USP39: variants seen among roughly 807,000 people sequenced by gnomAD.
USP39 encodes ubiquitin specific peptidase 39.
USP39 carries 38 observed loss-of-function variants against 66.4 expected under a neutral mutation model. The observed-to-expected ratio is 0.57, with a 90% CI of 0.44 to 0.75. The LOEUF (loss-of-function observed/expected upper bound fraction) is 0.75, where lower values mean the gene tolerates loss of function less well. Ranked by LOEUF, USP39 falls within the 30% of genes least tolerant of loss-of-function variation. USP39 has a pLI of 0.00. For missense variants in USP39, 608 were observed against 714.4 expected (o/e 0.85, Z 1.70); for synonymous variants, 303 against 274.6 (o/e 1.10, Z -1.02).
Position 85,603,742 on chromosome 2 carries a change from G to A in USP39, n.226+661G>A, listed in dbSNP as rs548927236. ...GAGTAGCTGGGAACTACAGGCGCCC[G>A]CCACCTCACCCGGCTAATTTTTTTG... On this transcript the variant is annotated intron_variant and non_coding_transcript_variant, in intron 1 of 12. Transcript: ENST00000459775. Among the ~76,000 whole-genome samples the A allele has an allele frequency of 4.6e-5, 7 of 151,906 alleles. No homozygotes were observed. The South Asian group carries it at 1.5e-3, about 32-fold the overall frequency.
chr2:85,645,289 T>G (rs1676556088), intron 11 of USP39: 2 of 582,210 alleles, frequency 3.4e-6, no homozygotes, highest in South Asian at 2.3e-5. Flanking sequence ...TTTTTTTTTT[T>G]TTTTTGAGAC....
At chr2:85,644,011 G>T (rs1018714187) in intron 10 of USP39, among the ~76,000 whole-genome samples, 2 of 152,220 alleles carry the variant, frequency 1.3e-5, no homozygotes, top group Admixed American at 1.3e-4. Flanking sequence ...ATGGGACACT[G>T]TCAGTCTGTA....
chr2:85,636,035 CCCTT>C lies in USP39; in HGVS notation c.950-13_950-10del, dbSNP rs566008321. The C allele has an allele frequency of 8.9e-3, 14,288 of 1,613,694 alleles. 92 individuals carry two copies. The highest frequency in any genetic ancestry group is 0.011 in the Non-Finnish European group (13,404 of 1,179,622). ...TGCCACTTAGCTTCAACGTTTTCCA[CCCTT>C]CCTTTTTTTCCAGGAGATGGCGTTG... On this transcript the variant is annotated splice_polypyrimidine_tract_variant and intron_variant, in intron 6 of 12. Coordinates refer to ENST00000323701, the MANE Select transcript of USP39 (RefSeq NM_006590.4).
upstream of USP39, chr2:85,609,503 C>T (rs1412375891): frequency 2.5e-6 from 4 of 1,614,098 alleles, no homozygotes; most frequent in Non-Finnish European, 3.4e-6. Flanking sequence ...AGCTGATGGC[C>T]AGAAGGCTCC....
At chr2:85,629,183 C>A (rs1367313732) in intron 5 of USP39, among the ~76,000 whole-genome samples, 1 of 151,874 alleles carries the variant, frequency 6.6e-6, no homozygotes, top group East Asian at 1.9e-4. Flanking sequence ...CCTGCCTCAG[C>A]CTCCCGAGAA....
intron 6 of USP39, among the ~76,000 whole-genome samples, chr2:85,632,324 G>A (rs1010743209): frequency 6.6e-6 from 1 of 152,164 alleles, no homozygotes; most frequent in Non-Finnish European, 1.5e-5. Context: ...GGGAGGCTGA[G>A]GCAGGAGTAT....
chr2:85,632,142 G>A (rs947703423), intron 6 of USP39, among the ~76,000 whole-genome samples: 4 of 152,134 alleles, frequency 2.6e-5, no homozygotes, highest in African/African-American at 9.7e-5. Context: ...ATCTCATATG[G>A]TATCCTCTAG....
chr2:85,631,962 G>GATCTCA (rs869209603), intron 6 of USP39, among the ~76,000 whole-genome samples: 1 of 151,740 alleles, frequency 6.6e-6, no homozygotes, highest in African/African-American at 2.4e-5. Flanking sequence ...TTGGCCAGGT[G>GATCTCA]AACTCCTGAC....
intron 1 of USP39, among the ~76,000 whole-genome samples, chr2:85,606,198 T>G (rs973809763): frequency 7.9e-5 from 12 of 152,230 alleles, no homozygotes; most frequent in African/African-American, 2.9e-4. Flanking sequence ...GACAGCCAAT[T>G]ACATCGTATC....
At chr2:85,628,172 G>C (rs1675019852) in intron 5 of USP39, among the ~76,000 whole-genome samples, 1 of 151,866 alleles carries the variant, frequency 6.6e-6, no homozygotes, top group Non-Finnish European at 1.5e-5. Context: ...TTGAGATGGA[G>C]TCTCGCTCTG....
chr2:85,629,154 C>T (rs1675113958), intron 5 of USP39, among the ~76,000 whole-genome samples: 1 of 151,994 alleles, frequency 6.6e-6, no homozygotes, highest in South Asian at 2.1e-4. Context: ...ACCTCTGCCT[C>T]CCGGGTCTAA....
chr2:85,636,204 A>C, intron 7 of USP39, 74 bp downstream of exon 7: 1 of 1,394,928 alleles, frequency 7.2e-7, no homozygotes, highest in Non-Finnish European at 1.0e-6. Context: ...GCAATGGCTC[A>C]TGCCTATAAT....
chr2:85,625,424 G>T (rs952392400), intron 4 of USP39, 115 bp from the exon 5 acceptor site: 2 of 1,364,258 alleles, frequency 1.5e-6, no homozygotes, highest in Non-Finnish European at 2.0e-6. Context: ...CTATTTTTCT[G>T]TGTGTGGTGG....
intron 10 of USP39, among the ~76,000 whole-genome samples, chr2:85,642,194 ACAT>A (rs1218044378): frequency 2.6e-5 from 4 of 152,146 alleles, no homozygotes; most frequent in Non-Finnish European, 4.4e-5. Flanking sequence ...AGGAGAGAGA[ACAT>A]TTGCAGTTGA....
chr2:85,644,723 C>CTT (rs371306881), intron 10 of USP39, among the ~76,000 whole-genome samples: 1 of 143,832 alleles, frequency 7.0e-6, no homozygotes, highest in Admixed American at 7.0e-5. Flanking sequence ...GCCTGTCATT[C>CTT]TTTTTTTTTT....
intron 10 of USP39, 125 bp downstream of exon 10, chr2:85,641,243 G>A (rs1676213822): frequency 2.6e-6 from 3 of 1,132,830 alleles, no homozygotes; most frequent in Non-Finnish European, 3.8e-6. Context: ...CCTACCTACA[G>A]TAGATAAGAG....
chr2:85,612,831 T>C (rs981053623), upstream of USP39, among the ~76,000 whole-genome samples: 2 of 151,950 alleles, frequency 1.3e-5, no homozygotes, highest in African/African-American at 4.8e-5. Context: ...CGGCTAAGTT[T>C]TGTATTTTTG....
chr2:85,647,150 A>C (rs1020731871), intron 11 of USP39, among the ~76,000 whole-genome samples: 1 of 152,034 alleles, frequency 6.6e-6, no homozygotes, highest in Non-Finnish European at 1.5e-5. Context: ...CGGCCTCCCA[A>C]AATGCTGGGA....
chr2:85,633,779 G>T (rs1286662210), intron 6 of USP39, among the ~76,000 whole-genome samples: 1 of 142,002 alleles, frequency 7.0e-6, no homozygotes, highest in Non-Finnish European at 1.5e-5. Context: ...AAAATAAAAA[G>T]AAAAACATTA....
Sources: gnomAD v4.1 joint callset for allele counts (sites outside exome capture counted in the v4.1 genomes callset) on GRCh38, gnomAD v4.1.1 for gene constraint, MANE v1.5 for transcripts, NCBI Gene and HGNC (gene_info 2026-07-23, HGNC 2026-07-21) for gene names.